The following RPS13 variants were observed in gnomAD, a reference collection of about 807,000 sequenced individuals.
RPS13 encodes ribosomal protein S13.
A neutral mutation model predicts 24.6 loss-of-function variants in RPS13; 1 was observed. The ratio of observed to expected loss-of-function variants is 0.04; its 90% CI spans 0.01 to 0.19. The LOEUF (loss-of-function observed/expected upper bound fraction) is 0.19. Among genes scored for constraint, RPS13 ranks in the 10% least tolerant of loss-of-function variants. The pLI is 1.00. For synonymous variants in RPS13, 69 were observed against 65.3 expected, an observed-to-expected ratio of 1.06 and a Z score of -0.27; for missense variants, 88 against 187.4, an observed-to-expected ratio of 0.47 and a Z score of 3.10.
chr11:17,077,363 T>A (rs1848037265), intron 2 of RPS13, 66 bp downstream of exon 2: 1 of 1,590,192 alleles, frequency 6.3e-7, no homozygotes, highest in Non-Finnish European at 8.6e-7. Context: ...CACCCTGGCG[T>A]CGCTTCACCC....
At chr11:17,075,316 A>G in intron 4 of RPS13, 119 bp from the exon 5 acceptor site, 1 of 995,340 alleles carries the variant, frequency 1.0e-6, no homozygotes, top group Admixed American at 2.7e-5. Flanking sequence ...CTCTTTGGAT[A>G]GAATTTGAAC....
chr11:17,076,563 A>AC, intron 3 of RPS13: 1 of 433,926 alleles, frequency 2.3e-6, no homozygotes, highest in South Asian at 1.6e-5. Flanking sequence ...TCAAAAAAAA[A>AC]AAAAAAAAGA....
intron 4 of RPS13, 116 bp downstream of exon 4, chr11:17,075,338 A>G (rs1230037582): frequency 1.2e-5 from 12 of 1,003,864 alleles, no homozygotes; most frequent in African/African-American, 1.6e-5. Flanking sequence ...TCAAAGCAGC[A>G]CTACACTGGT....
intron 5 of RPS13, chr11:17,074,735 A>G (rs1323067480): frequency 5.9e-6 from 4 of 678,372 alleles, no homozygotes; most frequent in Non-Finnish European, 1.1e-5. Context: ...GCAACCAATC[A>G]TCATAGTGAG....
chr11:17,076,425 G>A lies in RPS13; in HGVS notation c.151+743C>T, dbSNP rs530933060. 5.8e-3 allele frequency: 1,666 copies of A among 288,858 alleles called. 13 individuals are homozygous for A. Among genetic ancestry groups the A allele is most frequent in the Non-Finnish European group, 9.0e-3 (1,306 of 145,102 alleles). The allele number at this position is 288,858 out of a possible 1,614,324, so 17.9% of individuals were successfully genotyped here. A position where few individuals can be genotyped will look rare whatever the true frequency, so the allele number is the denominator to read the frequency against. ...ACACAAATTAGCTGGGCCTGCTGGC[G>A]GGCGCCTGTAATCCCACCTATTCGG... On this transcript the variant is annotated intron_variant, in intron 3 of 5. Coordinates refer to ENST00000525634, the MANE Select transcript of RPS13 (RefSeq NM_001017.3).
At position 17,075,574 on chromosome 11, in the gene RPS13, T is replaced by C. The variant is rs1181338906; in HGVS notation, c.201A>G (p.Thr67=). ...SHGVAQVRFV[T]GNKILRILKS... ...TAAGAATTCTTAAAATTTTATTGCC[T>C]GTCACAAAACGTACTTGTGCAACAC... Residue 67 remains threonine (T), a synonymous_variant, in exon 4 of 6, where the codon ACA becomes ACG. Coordinates refer to ENST00000525634, the MANE Select transcript of RPS13 (RefSeq NM_001017.3). The C allele has an allele frequency of 8.1e-6, 13 of 1,610,896 alleles. No individual in the cohort carries two copies. The South Asian group carries it at 8.9e-5, about 11-fold the overall frequency.
At chr11:17,075,018 T>A in intron 5 of RPS13, 79 bp downstream of exon 5, 1 of 965,402 alleles carries the variant, frequency 1.0e-6, no homozygotes. Flanking sequence ...CCCCCAAGGC[T>A]GAACATATTT....
In RPS13 at chr11:17,075,205, T is replaced by C. The variant is rs1848008140; in HGVS notation, c.322-8A>G. The C allele has an allele frequency of 6.3e-7, 1 of 1,580,732 alleles. No homozygotes were observed. Among genetic ancestry groups the C allele is most frequent in the Non-Finnish European group, 8.6e-7 (1 of 1,166,274 alleles). On this transcript the variant is annotated splice_polypyrimidine_tract_variant and splice_region_variant and intron_variant, in intron 4 of 5. Coordinates refer to ENST00000525634, the MANE Select transcript of RPS13 (RefSeq NM_001017.3). Reference sequence around the variant, plus strand: ...GAATTTAGCATCCTTATCCTAAAAATAAAATTTGGTGCAATTCAAGAAAAC... The same window carrying C: ...GAATTTAGCATCCTTATCCTAAAAACAAAATTTGGTGCAATTCAAGAAAAC...
chr11:17,074,614 G>A, intron 5 of RPS13, 148 bp from the exon 6 acceptor site: 2 of 726,738 alleles, frequency 2.8e-6, no homozygotes, highest in Non-Finnish European at 5.1e-6. Context: ...CTGAATACCT[G>A]AACCAACTCA....
Position 17,077,619 on chromosome 11 carries a change from C to G in RPS13, c.23G>C (p.Gly8Ala). 6.3e-7 allele frequency: 1 copy of G among 1,582,352 alleles called. No homozygotes were observed. Among genetic ancestry groups the G allele is most frequent in the Non-Finnish European group, 8.6e-7 (1 of 1,160,782 alleles). The stretch of plus-strand genomic sequence containing the variant: ...ATCCGGCTTGATGCCCCGAGCTCAC[C>G]CGGGAGCATGCATGCGACCCATGAT... MGRMHAP[G>A]KGLSQSALPY... The change falls in exon 1 of 6, where the codon GGG becomes GCG. Residue 8 changes from glycine (G) to alanine (A), a missense_variant and splice_region_variant. By Grantham distance (60) the Gly-to-Ala change is moderately conservative. Transcript: ENST00000525634.
chr11:17,075,669 G>GGAGA (rs761797984), intron 3 of RPS13, 46 bp from the exon 4 acceptor site: 15 of 1,453,160 alleles, frequency 1.0e-5, no homozygotes, highest in Non-Finnish European at 1.3e-5. Flanking sequence ...AACACAAACT[G>GGAGA]GAGAATGTGA....
chr11:17,076,569 A>AAG, intron 3 of RPS13: 1 of 431,218 alleles, frequency 2.3e-6, no homozygotes, highest in Non-Finnish European at 4.6e-6. Context: ...AAAAAAAAAA[A>AAG]AAGAGGTGGG....
chr11:17,075,734 T>C (rs769284292), intron 3 of RPS13, 111 bp from the exon 4 acceptor site: 3 of 813,378 alleles, frequency 3.7e-6, no homozygotes, highest in South Asian at 2.9e-5. Flanking sequence ...GATGGGGGTA[T>C]ACTTTTATAC....
chr11:17,075,700 C>T (rs1590880356), intron 3 of RPS13, 77 bp from the exon 4 acceptor site: 1 of 1,180,514 alleles, frequency 8.5e-7, no homozygotes, highest in Non-Finnish European at 1.2e-6. Flanking sequence ...GCTCAGAAAT[C>T]AGGGCATAGT....
chr11:17,077,317 T>G (rs1848036737), intron 2 of RPS13, 71 bp from the exon 3 acceptor site: 2 of 1,576,380 alleles, frequency 1.3e-6, no homozygotes, highest in South Asian at 1.1e-5. Context: ...GGTCTCTCCT[T>G]CCGCAAAACC....
chr11:17,077,392 C>T (rs1848037651), intron 2 of RPS13, 37 bp downstream of exon 2: 1 of 1,598,538 alleles, frequency 6.3e-7, no homozygotes, highest in Non-Finnish European at 8.6e-7. Context: ...TGCCAACCCC[C>T]TCCCCGGATT....
chr11:17,075,063 T>G (rs1288988767), intron 5 of RPS13, 34 bp downstream of exon 5: 6 of 1,441,328 alleles, frequency 4.2e-6, no homozygotes, highest in Non-Finnish European at 5.8e-6. Flanking sequence ...TGACTCCTAT[T>G]CTTGATAACA....
intron 5 of RPS13, 36 bp from the exon 6 acceptor site, chr11:17,074,502 G>C (rs772949198): frequency 6.6e-7 from 1 of 1,504,618 alleles, no homozygotes; most frequent in African/African-American, 1.4e-5. Context: ...AGAAAATCAG[G>C]ATTAATACTA....
intron 5 of RPS13, chr11:17,074,878 G>T (rs1021365518): frequency 1.7e-6 from 1 of 604,202 alleles, no homozygotes; most frequent in Non-Finnish European, 2.9e-6. Flanking sequence ...CCCTCTGCTT[G>T]TCTTTATTAA....
Sources: gnomAD v4.1 joint callset for allele counts on GRCh38, gnomAD v4.1.1 for gene constraint, MANE v1.5 for transcripts, NCBI Gene and HGNC (gene_info 2026-07-23, HGNC 2026-07-21) for gene names.